RPS6KC1: variants seen among roughly 807,000 people sequenced by gnomAD.
RPS6KC1 encodes inactive ribosomal protein S6 kinase delta-1.
Under a neutral mutation model 103.8 loss-of-function variants are expected in RPS6KC1, and 54 were observed. The observed-to-expected ratio is 0.52, with a 90% CI of 0.42 to 0.65. The LOEUF (loss-of-function observed/expected upper bound fraction) is 0.65. Ranked by LOEUF, RPS6KC1 falls within the 30% of genes least tolerant of loss-of-function variation. The pLI is 0.00. For synonymous variants in RPS6KC1, 439 were observed against 438.7 expected (o/e 1.00, Z -0.01); for missense variants, 1,151 against 1,253.8 (o/e 0.92, Z 1.24).
the RPS6KC1 span, among the ~76,000 whole-genome samples, chr1:213,413,459 T>C: frequency 1.3e-5 from 2 of 152,170 alleles, no homozygotes; most frequent in Non-Finnish European, 2.9e-5. Context: ...AGTTCACTTA[T>C]GTGGTTGTAC....
the RPS6KC1 span, among the ~76,000 whole-genome samples, chr1:213,720,520 G>T: frequency 2.6e-5 from 4 of 152,190 alleles, no homozygotes; most frequent in Non-Finnish European, 5.9e-5. Context: ...AATGCCAGGA[G>T]AACTCATTAT....
intron 8 of RPS6KC1, among the ~76,000 whole-genome samples, chr1:213,186,936 C>T (rs531116488): frequency 4.6e-5 from 7 of 152,260 alleles, no homozygotes; most frequent in Non-Finnish European, 7.4e-5. Context: ...CAGACAGCGT[C>T]TCACCATATT....
the RPS6KC1 span, among the ~76,000 whole-genome samples, chr1:213,665,389 C>A: frequency 7.2e-5 from 11 of 151,830 alleles, no homozygotes; most frequent in Non-Finnish European, 1.3e-4. Flanking sequence ...CACACACACA[C>A]ATAAACACAC....
chr1:213,053,710 G>A (rs2077119835), intron 1 of RPS6KC1, among the ~76,000 whole-genome samples: 1 of 152,160 alleles, frequency 6.6e-6, no homozygotes. Flanking sequence ...TGAAAAGGTA[G>A]ACAGTTGAAG....
In RPS6KC1 at chr1:213,078,693, T is replaced by G. The variant is rs370143937; in HGVS notation, c.262+877T>G. Among the ~76,000 whole-genome samples, 3 of 152,330 alleles carry G rather than the reference T, an allele frequency of 2.0e-5. No homozygotes were observed. In the East Asian group the frequency reaches 5.8e-4, roughly 29 times the overall value. On this transcript the variant is annotated intron_variant, in intron 3 of 14. Coordinates refer to ENST00000366960, the MANE Select transcript of RPS6KC1 (RefSeq NM_012424.6). ...CTGGGATTACAGGCATGAGCCACTG[T>G]GCCCGGGCCAGAACATTTTATCCTA...
the RPS6KC1 span, among the ~76,000 whole-genome samples, chr1:213,564,584 A>G: frequency 3.3e-4 from 50 of 152,298 alleles, no homozygotes; most frequent in African/African-American, 1.2e-3. Context: ...CAGCTCTTGT[A>G]GCTCAGTAGT....
the RPS6KC1 span, among the ~76,000 whole-genome samples, chr1:213,775,639 C>T: frequency 1.3e-5 from 2 of 152,152 alleles, no homozygotes; most frequent in Admixed American, 6.5e-5. Flanking sequence ...TGTCTTGCTT[C>T]CATGTTGATG....
the RPS6KC1 span, among the ~76,000 whole-genome samples, chr1:213,298,749 ATTC>A: frequency 1.3e-5 from 2 of 151,938 alleles, no homozygotes; most frequent in Non-Finnish European, 2.9e-5. Context: ...ATAGCATCTT[ATTC>A]TTGTTTTATA....
the RPS6KC1 span, among the ~76,000 whole-genome samples, chr1:213,310,578 A>G: frequency 6.6e-6 from 1 of 152,230 alleles, no homozygotes; most frequent in Non-Finnish European, 1.5e-5. Context: ...CATAACAAAA[A>G]TAATACTTGA....
chr1:213,708,389 A>G, the RPS6KC1 span, among the ~76,000 whole-genome samples: 1 of 152,164 alleles, frequency 6.6e-6, no homozygotes, highest in African/African-American at 2.4e-5. Flanking sequence ...TTGATTTTGT[A>G]TCCTGAGACT....
Position 213,207,963 on chromosome 1 carries a change from G to A in RPS6KC1, c.1045-22534G>A, listed in dbSNP as rs138791853. ...GCTGGGATTACAGTCATGAGCCACC[G>A]TACCCGGTCTTGAATACCTTTTCTT... is the stretch of plus-strand genomic sequence containing the variant. On this transcript the variant is annotated intron_variant, in intron 8 of 14. Transcript: ENST00000366960. Among the ~76,000 whole-genome samples, 757 of 152,138 alleles carry A rather than the reference G, an allele frequency of 5.0e-3. 6 individuals are homozygous for A. Among genetic ancestry groups the A allele is most frequent in the Non-Finnish European group, 7.8e-3 (533 of 67,960 alleles).
intron 1 of RPS6KC1, among the ~76,000 whole-genome samples, chr1:213,056,725 T>G (rs760535886): frequency 2.6e-5 from 4 of 152,180 alleles, no homozygotes; most frequent in Non-Finnish European, 5.9e-5. Flanking sequence ...GTTTCCAAAT[T>G]AGGTTAGAAC....
the RPS6KC1 span, among the ~76,000 whole-genome samples, chr1:213,570,580 T>G: frequency 6.6e-6 from 1 of 152,190 alleles, no homozygotes; most frequent in Non-Finnish European, 1.5e-5. Context: ...CTTCATTCTT[T>G]GCCAGTGAAG....
chr1:213,494,893 AATG>A, the RPS6KC1 span, among the ~76,000 whole-genome samples: 1 of 152,122 alleles, frequency 6.6e-6, no homozygotes, highest in African/African-American at 2.4e-5. Context: ...AGTAAATTTT[AATG>A]ATAATTTTAA....
the RPS6KC1 span, among the ~76,000 whole-genome samples, chr1:213,381,076 G>A: frequency 6.4e-4 from 98 of 152,312 alleles, no homozygotes; most frequent in Non-Finnish European, 1.2e-3. Context: ...TTGGCGCTCG[G>A]AACAGTCACA....
the RPS6KC1 span, among the ~76,000 whole-genome samples, chr1:213,374,320 A>G: frequency 6.6e-6 from 1 of 152,236 alleles, no homozygotes; most frequent in African/African-American, 2.4e-5. Flanking sequence ...CACTAAAGCA[A>G]ACTGATAACT....
intron 3 of RPS6KC1, among the ~76,000 whole-genome samples, chr1:213,084,554 C>A (rs1267064507): frequency 6.6e-6 from 1 of 152,128 alleles, no homozygotes; most frequent in African/African-American, 2.4e-5. Flanking sequence ...GTTCAGTTAT[C>A]AATTTGAGTA....
intron 13 of RPS6KC1, among the ~76,000 whole-genome samples, chr1:213,262,495 A>C (rs1391729926): frequency 1.3e-5 from 2 of 152,322 alleles, no homozygotes; most frequent in Admixed American, 1.3e-4. Context: ...ACGACGGGAC[A>C]GTAGCATAAG....
chr1:213,212,685 T>C (rs1470582634), intron 8 of RPS6KC1, among the ~76,000 whole-genome samples: 1 of 152,262 alleles, frequency 6.6e-6, no homozygotes, highest in Non-Finnish European at 1.5e-5. Flanking sequence ...GGATGTGTTA[T>C]TTTGCATTTC....
Sources: allele counts gnomAD v4.1 joint callset (sites outside exome capture counted in the v4.1 genomes callset), GRCh38; gene constraint gnomAD v4.1.1; transcripts MANE v1.5; gene names NCBI Gene and HGNC (gene_info 2026-07-23, HGNC 2026-07-21).